The following BRINP3 variants were observed in gnomAD, a reference collection of about 807,000 sequenced individuals.
The protein encoded by BRINP3 is BMP/retinoic acid inducible neural specific 3, also known as BMP/retinoic acid-inducible neural-specific protein 3.
In BRINP3, 19 loss-of-function variants were observed where a neutral mutation model predicts 71.0. The observed-to-expected ratio is 0.27, with a 90% CI of 0.19 to 0.39. The LOEUF is 0.39. Among genes scored for constraint, BRINP3 ranks in the 10% least tolerant of loss-of-function variants. The probability of loss-of-function intolerance (pLI) is 1.00; values close to 1 mark genes in which losing one functional copy is unlikely to be tolerated. For synonymous variants in BRINP3, 380 were observed against 337.7 expected (o/e 1.13, Z -1.37); for missense variants, 959 against 940.8 (o/e 1.02, Z -0.25).
chr1:190,444,826 C>T (rs1333561764), intron 2 of BRINP3, among the ~76,000 whole-genome samples: 3 of 152,022 alleles, frequency 2.0e-5, no homozygotes, highest in South Asian at 4.1e-4. Context: ...TGAGCCACCG[C>T]GCCTGGCCAA....
chr1:190,407,858 A>G (rs917249568), intron 2 of BRINP3, among the ~76,000 whole-genome samples: 1 of 152,100 alleles, frequency 6.6e-6, no homozygotes, highest in Non-Finnish European at 1.5e-5. Flanking sequence ...ATACAAATTT[A>G]TTACGTTGGC....
intron 7 of BRINP3, among the ~76,000 whole-genome samples, chr1:190,116,219 T>A (rs905596133): frequency 3.9e-5 from 6 of 152,114 alleles, no homozygotes; most frequent in Non-Finnish European, 7.4e-5. Flanking sequence ...TGAAAAATAC[T>A]AATTGAAAGT....
At chr1:190,240,352 G>C (rs1260562744) in intron 4 of BRINP3, among the ~76,000 whole-genome samples, 1 of 151,832 alleles carries the variant, frequency 6.6e-6, no homozygotes, top group Non-Finnish European at 1.5e-5. Context: ...TGAGATAAAA[G>C]TTTGTTAAAT....
chr1:190,278,322 T>C, intron 3 of BRINP3, among the ~76,000 whole-genome samples: 1 of 151,536 alleles, frequency 6.6e-6, no homozygotes, highest in Non-Finnish European at 1.5e-5. Flanking sequence ...TCTTCATTAA[T>C]TAAGAGAAAG....
At chr1:190,334,698 A>G (rs1667175006) in intron 2 of BRINP3, among the ~76,000 whole-genome samples, 1 of 151,866 alleles carries the variant, frequency 6.6e-6, no homozygotes. Flanking sequence ...TTTAAATGGC[A>G]TGTAATTAGG....
At chr1:190,216,196 G>A (rs774902474) in intron 6 of BRINP3, among the ~76,000 whole-genome samples, 7 of 151,690 alleles carry the variant, frequency 4.6e-5, no homozygotes, top group Non-Finnish European at 7.4e-5. Flanking sequence ...CATTAAGTTT[G>A]AATCCTTGAT....
chr1:190,248,555 C>A (rs973341072), intron 4 of BRINP3, among the ~76,000 whole-genome samples: 1 of 151,654 alleles, frequency 6.6e-6, no homozygotes, highest in Non-Finnish European at 1.5e-5. Context: ...TTTCTATTCT[C>A]CCCTCCTTTC....
chr1:190,363,949 A>C (rs1324066926), intron 2 of BRINP3, among the ~76,000 whole-genome samples: 1 of 152,116 alleles, frequency 6.6e-6, no homozygotes, highest in Non-Finnish European at 1.5e-5. Context: ...AAACAAATTA[A>C]ATTTTGGAAA....
chr1:190,146,902 T>C (rs191635376), intron 7 of BRINP3, among the ~76,000 whole-genome samples: 150 of 152,162 alleles, frequency 9.9e-4, no homozygotes, highest in African/African-American at 2.6e-3. Context: ...ATAAAATATA[T>C]ACATACAGAA....
At chr1:190,423,055 T>C (rs1338453826) in intron 2 of BRINP3, among the ~76,000 whole-genome samples, 2 of 151,694 alleles carry the variant, frequency 1.3e-5, no homozygotes, top group African/African-American at 4.8e-5. Context: ...CAGTAGAAAA[T>C]AAGGGAGGGA....
intron 7 of BRINP3, among the ~76,000 whole-genome samples, chr1:190,123,787 T>A (rs550801640): frequency 6.6e-6 from 1 of 152,276 alleles, no homozygotes; most frequent in African/African-American, 2.4e-5. Context: ...ACAATTAGAT[T>A]TTGTGAATGC....
At position 190,464,609 on chromosome 1, in the gene BRINP3, A is replaced by G. The variant is rs1342720334; in HGVS notation, c.-50-9669T>C. 2.0e-5 allele frequency among the ~76,000 whole-genome samples: 3 copies of G among 151,980 alleles called. No homozygotes were observed. In the East Asian group the frequency reaches 5.8e-4, roughly 29 times the overall value. On this transcript the variant is annotated intron_variant, in intron 1 of 7. Coordinates refer to ENST00000367462, the MANE Select transcript of BRINP3 (RefSeq NM_199051.3). ...TATTTTTTAACTTTATAAAGAATAAATATTTTTGGGCTGCTTTATTATATA... is the reference window on the plus strand; with the variant it reads ...TATTTTTTAACTTTATAAAGAATAAGTATTTTTGGGCTGCTTTATTATATA...
At chr1:190,468,187 T>G (rs1284573933) in intron 1 of BRINP3, among the ~76,000 whole-genome samples, 1 of 151,338 alleles carries the variant, frequency 6.6e-6, no homozygotes, top group Admixed American at 6.6e-5. Flanking sequence ...ATCTAAAATA[T>G]AGGAAAGCAT....
chr1:190,304,253 T>C (rs1462835974), intron 2 of BRINP3, among the ~76,000 whole-genome samples: 1 of 151,842 alleles, frequency 6.6e-6, no homozygotes, highest in African/African-American at 2.4e-5. Context: ...ATATCATGCA[T>C]TTACACTTTT....
chr1:190,172,421 C>G (rs1652098774), intron 6 of BRINP3, among the ~76,000 whole-genome samples: 1 of 151,872 alleles, frequency 6.6e-6, no homozygotes, highest in South Asian at 2.1e-4. Context: ...GTGTTATACT[C>G]TCCCATACAT....
At chr1:190,256,358 C>A (rs1274991190) in intron 4 of BRINP3, among the ~76,000 whole-genome samples, 6 of 152,060 alleles carry the variant, frequency 3.9e-5, no homozygotes, top group Non-Finnish European at 7.4e-5. Flanking sequence ...CTTCCTCCAT[C>A]CCTTTATTTT....
intron 7 of BRINP3, among the ~76,000 whole-genome samples, chr1:190,143,522 A>G (rs1024271188): frequency 6.6e-6 from 1 of 152,176 alleles, no homozygotes; most frequent in African/African-American, 2.4e-5. Context: ...GGAAATAATA[A>G]TAGAATGTTC....
rs1313998461 is a variant in BRINP3, at chr1:190,226,201, T to C, written c.842A>G (p.His281Arg). 6.2e-7 allele frequency: 1 copy of C among 1,612,834 alleles called. No individual in the cohort carries two copies. Among genetic ancestry groups the C allele is most frequent in the Admixed American group, 1.7e-5 (1 of 59,834 alleles). ...GCATTCTGGAAATTTGGGACCACAG[T>C]GACACCAGCAGTCATTTTCCTTGCA... is the stretch of plus-strand genomic sequence containing the variant. ...FICKENDCWC[H>R]CGPKFPECNC... Residue 281 changes from histidine to arginine, a missense_variant, in exon 6 of 8, where the codon CAC becomes CGC. Transcript: ENST00000367462.
intron 2 of BRINP3, among the ~76,000 whole-genome samples, chr1:190,411,551 A>G (rs1407371790): frequency 6.6e-6 from 1 of 152,164 alleles, no homozygotes; most frequent in Non-Finnish European, 1.5e-5. Context: ...AGTTTGTGTA[A>G]TTTTATATCT....
Sources: allele counts gnomAD v4.1 joint callset (sites outside exome capture counted in the v4.1 genomes callset), GRCh38; gene constraint gnomAD v4.1.1; transcripts MANE v1.5; gene names NCBI Gene and HGNC (gene_info 2026-07-23, HGNC 2026-07-21).